The following CCDC81 variants were observed in gnomAD, a reference collection of about 807,000 sequenced individuals.
The protein encoded by CCDC81 is coiled-coil domain containing 81, also known as coiled-coil domain-containing protein 81.
A neutral mutation model predicts 83.7 loss-of-function variants in CCDC81; 79 were observed. That is an observed-to-expected ratio of 0.94 (90% CI 0.79 to 1.14). CCDC81 has a LOEUF of 1.14. Ranked by LOEUF, CCDC81 falls within the 50% of genes most tolerant of loss-of-function variation. CCDC81 has a pLI of 0.00. For synonymous variants in CCDC81, 252 were observed against 278.1 expected, an observed-to-expected ratio of 0.91 and a Z score of 0.93; for missense variants, 791 against 778.1, an observed-to-expected ratio of 1.02 and a Z score of -0.20.
chr11:86,411,054 A>G (rs1041831610), intron 10 of CCDC81, among the ~76,000 whole-genome samples: 5 of 152,196 alleles, frequency 3.3e-5, no homozygotes, highest in African/African-American at 1.2e-4. Flanking sequence ...ATATTATAAT[A>G]TTGTTAACCA....
intron 14 of CCDC81, among the ~76,000 whole-genome samples, chr11:86,420,297 G>C (rs974658148): frequency 6.6e-6 from 1 of 152,192 alleles, no homozygotes; most frequent in Admixed American, 6.6e-5. Context: ...TCTGCTTAGG[G>C]TGGCTTTATT....
intron 3 of CCDC81, among the ~76,000 whole-genome samples, chr11:86,389,772 G>A (rs187960446): frequency 8.5e-5 from 13 of 152,260 alleles, no homozygotes; most frequent in African/African-American, 2.9e-4. Context: ...TTAAATATTA[G>A]TAAGACATAG....
At chr11:86,393,016 A>C (rs1164731171) in intron 4 of CCDC81, among the ~76,000 whole-genome samples, 1 of 152,234 alleles carries the variant, frequency 6.6e-6, no homozygotes, top group Admixed American at 6.5e-5. Flanking sequence ...GGATATAAAT[A>C]GTAACGGAAA....
chr11:86,409,287 G>T lies in CCDC81; in HGVS notation c.1140G>T (p.Gln380His). The change falls in exon 10 of 15, where the codon CAG (glutamine) becomes CAT (histidine). Residue 380 changes from glutamine to histidine, a missense_variant. Physicochemically the swap from Gln to His is conservative, Grantham distance 24. Transcript: ENST00000445632. ...HQMKSLATRE[Q>H]NQKNAAYNLG... is the part of the protein sequence containing the mutation. Reference sequence around the variant, plus strand: ...TGAAAAGTCTGGCTACTAGAGAACAGAATCAGAAAAATGCTGCCTATAATC... The same window carrying T: ...TGAAAAGTCTGGCTACTAGAGAACATAATCAGAAAAATGCTGCCTATAATC... The T allele has an allele frequency of 1.3e-6, 2 of 1,516,344 alleles. No homozygotes were observed. The highest frequency in any genetic ancestry group is 1.8e-6 in the Non-Finnish European group (2 of 1,133,226). 93.9% of individuals were successfully genotyped at this position (1,516,344 alleles called of 1,614,324 possible).
At chr11:86,405,112 TGAGA>T (rs1207880466) in intron 7 of CCDC81, among the ~76,000 whole-genome samples, 4 of 152,204 alleles carry the variant, frequency 2.6e-5, no homozygotes, top group Admixed American at 6.5e-5. Context: ...TTTTTTTCTT[TGAGA>T]GAGATATTAA....
intron 13 of CCDC81, among the ~76,000 whole-genome samples, chr11:86,418,113 G>A (rs1280029601): frequency 6.6e-6 from 1 of 151,974 alleles, no homozygotes; most frequent in East Asian, 1.9e-4. Flanking sequence ...ACAAGCAAAT[G>A]AAAAAATGAT....
At chr11:86,385,822 TA>T (rs1948234882) in intron 1 of CCDC81, among the ~76,000 whole-genome samples, 1 of 152,152 alleles carries the variant, frequency 6.6e-6, no homozygotes, top group Non-Finnish European at 1.5e-5. Context: ...AAAAATGTAT[TA>T]TTATTATTAT....
chr11:86,414,521 G>A, intron 11 of CCDC81: 1 of 313,900 alleles, frequency 3.2e-6, no homozygotes, highest in Non-Finnish European at 5.8e-6. Context: ...TGGCCAGGTT[G>A]GTCTCGGACT....
intron 7 of CCDC81, among the ~76,000 whole-genome samples, chr11:86,404,265 G>A (rs1407729142): frequency 6.6e-6 from 1 of 152,130 alleles, no homozygotes; most frequent in Non-Finnish European, 1.5e-5. Context: ...ATAGCAATAT[G>A]GTGGTCTAAA....
intron 9 of CCDC81, among the ~76,000 whole-genome samples, chr11:86,409,058 A>C (rs1056414980): frequency 6.6e-6 from 1 of 152,242 alleles, no homozygotes; most frequent in Admixed American, 6.5e-5. Flanking sequence ...TGGTACCTAA[A>C]GGCCAAGAAA....
intron 6 of CCDC81, 27 bp from the exon 7 acceptor site, chr11:86,400,651 C>A (rs374349667): frequency 1.3e-5 from 20 of 1,569,208 alleles, no homozygotes; most frequent in Non-Finnish European, 1.7e-5. Flanking sequence ...AAAGGAGACT[C>A]GTTTTCATTC....
intron 13 of CCDC81, 184 bp from the exon 14 acceptor site, chr11:86,419,744 C>G: frequency 2.1e-6 from 1 of 472,298 alleles, no homozygotes. Flanking sequence ...GACCTTTGAT[C>G]CATAAATTAT....
chr11:86,405,358 A>G (rs1235506347), intron 7 of CCDC81, among the ~76,000 whole-genome samples: 1 of 152,188 alleles, frequency 6.6e-6, no homozygotes, highest in African/African-American at 2.4e-5. Flanking sequence ...TGCCATTTTA[A>G]GAATTTTTGT....
intron 10 of CCDC81, among the ~76,000 whole-genome samples, chr11:86,410,250 A>G (rs943732492): frequency 6.6e-6 from 1 of 152,196 alleles, no homozygotes; most frequent in Non-Finnish European, 1.5e-5. Flanking sequence ...CTCCGGACAT[A>G]AATCTAATAA....
At position 86,420,507 on chromosome 11, in the gene CCDC81, C is replaced by T. The variant is rs1031092504; in HGVS notation, c.1817+454C>T. The stretch of plus-strand genomic sequence containing the variant: ...GCATCTTTCTGAAATTATTATATGC[C>T]TGCCCAATCCTCAGCTTAAATATTC... On this transcript the variant is annotated intron_variant, in intron 14 of 14. Coordinates refer to ENST00000445632, the MANE Select transcript of CCDC81 (RefSeq NM_001156474.2). Among the ~76,000 whole-genome samples the T allele has an allele frequency of 8.6e-5, 13 of 151,974 alleles. 1 individual carries two copies. The highest frequency in any genetic ancestry group is 3.1e-4 in the African/African-American group (13 of 41,352).
In CCDC81 at chr11:86,415,084, C is replaced by G; in HGVS notation, c.1471-9C>G. ...ATGATAACCTGCATTATGTGTATCT[C>G]TGTTTAAGATAAAGAACAAACCCTC... On this transcript the variant is annotated splice_polypyrimidine_tract_variant and intron_variant, in intron 12 of 14. Transcript: ENST00000445632. 1 of 1,613,170 alleles carries G rather than the reference C, an allele frequency of 6.2e-7. No individual in the cohort carries two copies. Among genetic ancestry groups the G allele is most frequent in the Non-Finnish European group, 8.5e-7 (1 of 1,179,146 alleles).
intron 2 of CCDC81, 34 bp from the exon 3 acceptor site, chr11:86,387,482 A>G (rs201456437): frequency 1.1e-4 from 177 of 1,605,818 alleles, no homozygotes; most frequent in Non-Finnish European, 1.3e-4. Context: ...CACTCCTTCA[A>G]TGAATTCTGT....
chr11:86,418,483 C>A (rs1378089184), intron 13 of CCDC81, among the ~76,000 whole-genome samples: 2 of 152,046 alleles, frequency 1.3e-5, no homozygotes, highest in Non-Finnish European at 2.9e-5. Flanking sequence ...AATGGATAAA[C>A]AAAATGTAGT....
intron 14 of CCDC81, among the ~76,000 whole-genome samples, chr11:86,422,231 T>G (rs1948801188): frequency 6.6e-6 from 1 of 152,026 alleles, no homozygotes; most frequent in African/African-American, 2.4e-5. Flanking sequence ...CAGGTAGAGG[T>G]GTAATCCACG....
Sources: gnomAD v4.1 joint callset for allele counts (sites outside exome capture counted in the v4.1 genomes callset) on GRCh38, gnomAD v4.1.1 for gene constraint, MANE v1.5 for transcripts, NCBI Gene and HGNC (gene_info 2026-07-23, HGNC 2026-07-21) for gene names.